The following ABCC9 variants were observed in gnomAD, a reference collection of about 807,000 sequenced individuals.
ABCC9 encodes the protein ATP-binding cassette sub-family C member 9.
ABCC9 carries 95 observed loss-of-function variants against 188.3 expected under a neutral mutation model. The ratio of observed to expected loss-of-function variants is 0.50; its 90% CI spans 0.43 to 0.60. ABCC9 has a LOEUF of 0.60. Ranked by LOEUF, ABCC9 falls within the 20% of genes least tolerant of loss-of-function variation. The probability of loss-of-function intolerance (pLI) is 0.00; values close to 1 mark genes in which losing one functional copy is unlikely to be tolerated. For missense variants in ABCC9, 1,102 were observed against 1,876.3 expected (o/e 0.59, Z 7.62); for synonymous variants, 659 against 652.7 (o/e 1.01, Z -0.15).
At chr12:21,902,329 C>T (rs952753336) in intron 12 of ABCC9, among the ~76,000 whole-genome samples, 18 of 152,102 alleles carry the variant, frequency 1.2e-4, no homozygotes, top group African/African-American at 4.3e-4. Context: ...GCACTAAATG[C>T]CCACAAGAGA....
intron 5 of ABCC9, among the ~76,000 whole-genome samples, chr12:21,922,337 T>C (rs544996449): frequency 6.6e-6 from 1 of 152,062 alleles, no homozygotes; most frequent in East Asian, 1.9e-4. Context: ...AAATAATATT[T>C]ATTGATTTGC....
At position 21,883,907 on chromosome 12, in the gene ABCC9, A is replaced by C. The variant is rs185058273; in HGVS notation, c.1912-1034T>G. Among the ~76,000 whole-genome samples the C allele has an allele frequency of 8.3e-4, 126 of 152,256 alleles. 1 individual carries two copies. Among genetic ancestry groups the C allele is most frequent in the Admixed American group, 8.2e-3 (125 of 15,288 alleles). On this transcript the variant is annotated intron_variant, in intron 15 of 39. Coordinates refer to ENST00000261200, the MANE Select transcript of ABCC9 (RefSeq NM_020297.4). ...CATATTTAAGGTGAATGTAAGTCATATCTAGAAATTTGTCATTCTCTAATT... is the reference window on the plus strand; with the variant it reads ...CATATTTAAGGTGAATGTAAGTCATCTCTAGAAATTTGTCATTCTCTAATT...
At chr12:21,915,266 T>TAA (rs1456056111) in intron 7 of ABCC9, among the ~76,000 whole-genome samples, 1 of 99,254 alleles carries the variant, frequency 1.0e-5, no homozygotes, top group African/African-American at 3.9e-5. Context: ...TGTGTGTATA[T>TAA]AATGTGTATA....
intron 16 of ABCC9, among the ~76,000 whole-genome samples, chr12:21,880,663 C>A (rs571739678): frequency 1.1e-4 from 17 of 152,154 alleles, no homozygotes; most frequent in African/African-American, 4.1e-4. Flanking sequence ...AAAACCACAG[C>A]AAGATACAGT....
At chr12:21,834,786 T>TATATACACAC (rs113973392) in intron 30 of ABCC9, among the ~76,000 whole-genome samples, 1 of 141,602 alleles carries the variant, frequency 7.1e-6, no homozygotes, top group Non-Finnish European at 1.5e-5. Context: ...TATAACATTA[T>TATATACACAC]ACACACACAC....
At position 21,800,918 on chromosome 12, in the gene ABCC9, G is replaced by A; in HGVS notation, c.*126C>T. On this transcript the variant is annotated 3_prime_UTR_variant, in exon 40 of 40. Transcript: ENST00000261200. ...TGTTTTAAAAACAGGAAAAATAAAT[G>A]TCCACTTTTTGTGCAAAAATCTGTA... is the stretch of plus-strand genomic sequence containing the variant. 9.2e-7 allele frequency: 1 copy of A among 1,081,972 alleles called. No individual in the cohort carries two copies. The highest frequency in any genetic ancestry group is 1.3e-6 in the Non-Finnish European group (1 of 743,326). The allele number at this position is 1,081,972 out of a possible 1,614,324, so 67.0% of individuals were successfully genotyped here.
At chr12:21,843,542 AGTTT>A (rs1271944491) in intron 28 of ABCC9, among the ~76,000 whole-genome samples, 1 of 152,006 alleles carries the variant, frequency 6.6e-6, no homozygotes, top group African/African-American at 2.4e-5. Flanking sequence ...TTATGAATGG[AGTTT>A]GTTTTTCACT....
chr12:21,936,894 C>T (rs1949511000), intron 2 of ABCC9, among the ~76,000 whole-genome samples, 200 bp from the exon 3 acceptor site: 1 of 152,096 alleles, frequency 6.6e-6, no homozygotes, highest in Non-Finnish European at 1.5e-5. Context: ...TTTTCCATAG[C>T]TTTTACTTCC....
intron 12 of ABCC9, among the ~76,000 whole-genome samples, chr12:21,896,862 A>G (rs891252692): frequency 6.6e-6 from 1 of 152,188 alleles, no homozygotes; most frequent in African/African-American, 2.4e-5. Flanking sequence ...GCTATTGTGA[A>G]TAGTGCTGCA....
chr12:21,818,879 C>T (rs1444584241), intron 31 of ABCC9, among the ~76,000 whole-genome samples: 4 of 151,998 alleles, frequency 2.6e-5, no homozygotes, highest in East Asian at 3.9e-4. Flanking sequence ...TTGGCTCCAA[C>T]CTACTATTTG....
intron 24 of ABCC9, 144 bp from the exon 25 acceptor site, chr12:21,848,390 T>C: frequency 1.4e-6 from 1 of 722,956 alleles, no homozygotes; most frequent in South Asian, 1.5e-5. Context: ...ACAACTCCTG[T>C]CACAGAAACA....
At chr12:21,829,833 C>G (rs1423445326) in intron 30 of ABCC9, among the ~76,000 whole-genome samples, 3 of 152,028 alleles carry the variant, frequency 2.0e-5, no homozygotes, top group Non-Finnish European at 2.9e-5. Context: ...TGGCACAGAA[C>G]CAGGGAAGAC....
At chr12:21,887,997 C>A in intron 14 of ABCC9, 63 bp from the exon 15 acceptor site, 1 of 1,254,172 alleles carries the variant, frequency 8.0e-7, no homozygotes, top group South Asian at 1.2e-5. Flanking sequence ...CAAAGTGCTA[C>A]CTAAATAACG....
rs752450127 is a variant in ABCC9, at chr12:21,844,515, G to T, written c.3283C>A (p.Arg1095Ser). The T allele has an allele frequency of 6.2e-7, 1 of 1,613,720 alleles. No individual in the cohort carries two copies. Among genetic ancestry groups the T allele is most frequent in the Non-Finnish European group, 8.5e-7 (1 of 1,179,680 alleles). ...ATGATATTAGTATCAGCTGAAAAGCGATTGAGAATCAGTCCCAGGGGTGTG... is the reference window on the plus strand; with the variant it reads ...ATGATATTAGTATCAGCTGAAAAGCTATTGAGAATCAGTCCCAGGGGTGTG... ...DTTPLGLILN[R>S]FSADTNIIDQ... The change falls in exon 28 of 40, where the codon CGC (arginine) becomes AGC (serine). Residue 1095 changes from arginine (R) to serine (S), a missense_variant. Physicochemically the swap from Arg to Ser is moderately radical, Grantham distance 110. Coordinates refer to ENST00000261200, the MANE Select transcript of ABCC9 (RefSeq NM_020297.4).
intron 31 of ABCC9, among the ~76,000 whole-genome samples, chr12:21,819,152 A>G (rs989526978): frequency 6.6e-6 from 1 of 152,120 alleles, no homozygotes; most frequent in African/African-American, 2.4e-5. Context: ...GTTCTTAGGT[A>G]TTGTTCTGTC....
rs771019585 is a variant in ABCC9, at chr12:21,812,043, A to G, written c.4211+6T>C. 5 of 1,582,816 alleles carry G rather than the reference A, an allele frequency of 3.2e-6. No homozygotes were observed. The highest frequency in any genetic ancestry group is 4.3e-6 in the Non-Finnish European group (5 of 1,151,900). On this transcript the variant is annotated splice_donor_region_variant and intron_variant, in intron 36 of 39. Coordinates refer to ENST00000261200, the MANE Select transcript of ABCC9 (RefSeq NM_020297.4). ...GCATACAGGTGTTGCTAAATATGTT[A>G]CCTACCTAATGGAACCACTGAATAG...
At chr12:21,926,116 TA>T in intron 4 of ABCC9, 53 bp from the exon 5 acceptor site, 1 of 1,612,528 alleles carries the variant, frequency 6.2e-7, no homozygotes, top group Non-Finnish European at 8.5e-7. Context: ...GATAATTTCT[TA>T]TTTTTTTTCA....
intron 12 of ABCC9, among the ~76,000 whole-genome samples, chr12:21,900,498 G>C (rs919307167): frequency 1.3e-5 from 2 of 152,122 alleles, no homozygotes; most frequent in African/African-American, 4.8e-5. Context: ...GGCTTCAGAC[G>C]ATCAAACTTC....
chr12:21,888,346 C>T (rs965986267), intron 14 of ABCC9, among the ~76,000 whole-genome samples: 1 of 151,990 alleles, frequency 6.6e-6, no homozygotes, highest in Non-Finnish European at 1.5e-5. Context: ...GGGGAGGTGA[C>T]GTACAGAGAA....
Sources: gnomAD v4.1 joint callset for allele counts (sites outside exome capture counted in the v4.1 genomes callset) on GRCh38, gnomAD v4.1.1 for gene constraint, MANE v1.5 for transcripts, NCBI Gene and HGNC (gene_info 2026-07-23, HGNC 2026-07-21) for gene names.